Variants in CHD7 observed in about 807,000 individuals in gnomAD.
The protein encoded by CHD7 is chromodomain helicase DNA binding protein 7.
In CHD7, 24 loss-of-function variants were observed where a neutral mutation model predicts 307.3. That is an observed-to-expected ratio of 0.08 (90% confidence interval 0.06 to 0.11). CHD7 has a LOEUF of 0.11. Among genes scored for constraint, CHD7 ranks in the 10% least tolerant of loss-of-function variants. The pLI, the probability that CHD7 is intolerant of heterozygous loss-of-function variation, is 1.00. For missense variants in CHD7, 3,106 were observed against 3,727.1 expected (o/e 0.83, Z 4.34); for synonymous variants, 1,363 against 1,349.9 (o/e 1.01, Z -0.21).
chr8:60,691,799 G>T (rs533770548), intron 1 of CHD7, among the ~76,000 whole-genome samples: 2 of 152,334 alleles, frequency 1.3e-5, no homozygotes, highest in Admixed American at 6.5e-5. Flanking sequence ...CAAGAAACTC[G>T]TAAAGTGTGT....
Position 60,794,300 on chromosome 8 carries a change from T to TAA in CHD7, c.2097-685_2097-684insAA, listed in dbSNP as rs772164363. Among the ~76,000 whole-genome samples, 4 of 152,314 alleles carry TAA rather than the reference T, an allele frequency of 2.6e-5. No homozygotes were observed. In the South Asian group the frequency reaches 8.3e-4, roughly 32 times the overall value. ...ATTCTAATAACATTTGTCAGCAACA[T>TAA]ACTATGAAACATGCACTTTATTAGG... On this transcript the variant is annotated intron_variant, in intron 3 of 37. Transcript: ENST00000423902.
chr8:60,813,068 A>G (rs1812886583), intron 7 of CHD7, among the ~76,000 whole-genome samples: 1 of 152,162 alleles, frequency 6.6e-6, no homozygotes, highest in Non-Finnish European at 1.5e-5. Context: ...GTCCAGTTCT[A>G]CTTTTGTGTC....
At chr8:60,709,995 A>T (rs1378934139) in intron 1 of CHD7, among the ~76,000 whole-genome samples, 2 of 151,978 alleles carry the variant, frequency 1.3e-5, no homozygotes, top group African/African-American at 4.8e-5. Context: ...ATTTTTTTAA[A>T]TTTCAGATTT....
At position 60,836,569 on chromosome 8, in the gene CHD7, T is replaced by A. The variant is rs147847471; in HGVS notation, c.3990-248T>A. On this transcript the variant is annotated intron_variant, in intron 16 of 37. Transcript: ENST00000423902. ...GAAATTATTTGTTATCTTACTGTTATAGGTGTCAGCTGTTTTTAGAATTTA... is the reference window on the plus strand; with the variant it reads ...GAAATTATTTGTTATCTTACTGTTAAAGGTGTCAGCTGTTTTTAGAATTTA... 3.3e-3 allele frequency among the ~76,000 whole-genome samples: 509 copies of A among 152,352 alleles called. 1 individual carries two copies. Among genetic ancestry groups the A allele is most frequent in the Non-Finnish European group, 4.8e-3 (324 of 68,032 alleles).
chr8:60,747,851 C>T (rs1424072878), intron 2 of CHD7, among the ~76,000 whole-genome samples: 1 of 152,212 alleles, frequency 6.6e-6, no homozygotes, highest in African/African-American at 2.4e-5. Context: ...AGTGAGGGAT[C>T]ATATGCCTTC....
chr8:60,760,883 A>T (rs1810161609), intron 2 of CHD7, among the ~76,000 whole-genome samples: 2 of 152,204 alleles, frequency 1.3e-5, no homozygotes, highest in African/African-American at 4.8e-5. Flanking sequence ...ACACTTTTAC[A>T]CTGTTGGTGG....
chr8:60,822,510 T>G lies in CHD7; in HGVS notation c.2965T>G (p.Cys989Gly), dbSNP rs1804092441. ...TTCATTTTCCTCCTAAAGGCGAAAC[T>G]GCATTTTAGCAGATGAAATGGGTTT... ...LLFNWYNMRN[C>G]ILADEMGLGK... Residue 989 changes from cysteine to glycine, a missense_variant, in exon 12 of 38, where the codon TGC becomes GGC. Physicochemically the swap from Cys to Gly is radical, Grantham distance 159 (BLOSUM62 -3). This residue lies in a region of CHD7 where 188 missense variants were observed against 261.7 expected (regional missense o/e 0.72). Coordinates refer to ENST00000423902, the MANE Select transcript of CHD7 (RefSeq NM_017780.4). 6.2e-7 allele frequency: 1 copy of G among 1,613,066 alleles called. No homozygotes were observed.
intron 1 of CHD7, among the ~76,000 whole-genome samples, chr8:60,693,736 C>T (rs1276667831): frequency 1.3e-5 from 2 of 152,214 alleles, no homozygotes; most frequent in East Asian, 1.9e-4. Flanking sequence ...TAGGCACTGG[C>T]GGGACACCGT....
intron 4 of CHD7, among the ~76,000 whole-genome samples, chr8:60,798,171 G>A (rs1777238857): frequency 1.3e-5 from 2 of 152,194 alleles, no homozygotes; most frequent in South Asian, 4.1e-4. Flanking sequence ...TGGGATGTGG[G>A]AAAGTATTGC....
Position 60,741,320 on chromosome 8 carries a change from G to A in CHD7, c.-113G>A. The stretch of plus-strand genomic sequence containing the variant: ...CAAGAGAATTAAAGAAATATGGAAT[G>A]ACATGAAGAAGATTAGTTAAGGATT... On this transcript the variant is annotated 5_prime_UTR_variant, in exon 2 of 38. An upstream start codon of the reference 5' UTR is lost. Coordinates refer to ENST00000423902, the MANE Select transcript of CHD7 (RefSeq NM_017780.4). 2 of 758,002 alleles carry A rather than the reference G, an allele frequency of 2.6e-6. No homozygotes were observed. The highest frequency in any genetic ancestry group is 1.9e-5 in the South Asian group (1 of 52,508). The allele number at this position is 758,002 out of a possible 1,614,324, so 47.0% of individuals were successfully genotyped here. A position where few individuals can be genotyped will look rare whatever the true frequency, so the allele number is the denominator to read the frequency against.
intron 23 of CHD7, among the ~76,000 whole-genome samples, chr8:60,847,885 C>G (rs1408241078): frequency 6.6e-6 from 1 of 151,780 alleles, no homozygotes; most frequent in Non-Finnish European, 1.5e-5. Flanking sequence ...GTACAGTAAA[C>G]TAGAAGGAAT....
At chr8:60,690,959 C>CT (rs1806163923) in intron 1 of CHD7, among the ~76,000 whole-genome samples, 1 of 152,202 alleles carries the variant, frequency 6.6e-6, no homozygotes, top group Non-Finnish European at 1.5e-5. Context: ...GAGTCCTGCT[C>CT]TGTCTCACAG....
In CHD7 at chr8:60,741,499, G is replaced by A. The variant is rs763058890; in HGVS notation, c.67G>A (p.Gly23Ser). The A allele has an allele frequency of 4.2e-5, 68 of 1,612,682 alleles. No homozygotes were observed. The highest frequency in any genetic ancestry group is 5.6e-5 in the Non-Finnish European group (66 of 1,179,332). Residue 23 changes from glycine to serine, a missense_variant, in exon 2 of 38, where the codon GGC (glycine) becomes AGC (serine). Coordinates refer to ENST00000423902, the MANE Select transcript of CHD7 (RefSeq NM_017780.4). ...GAATATTTTCAGTGAAGGTCTTGAA[G>A]GCCTCGGAGAATGTGGTTACCCGGA... ...DGNIFSEGLE[G>S]LGECGYPENP...
chr8:60,837,774 A>C lies in CHD7; in HGVS notation c.4292A>C (p.Lys1431Thr). Residue 1431 changes from lysine (K) to threonine (T), a missense_variant, in exon 18 of 38, where the codon AAA becomes ACA. This residue lies in a region of CHD7 where 93 missense variants were observed against 176.4 expected (regional missense o/e 0.53). Coordinates refer to ENST00000423902, the MANE Select transcript of CHD7 (RefSeq NM_017780.4). The stretch of plus-strand genomic sequence containing the variant: ...GAAATGTTCGACAAGGCTAGTTTGA[A>C]ACTGGGCCTGGATAAAGCTGTGCTA... ...EREMFDKASL[K>T]LGLDKAVLQS... The C allele has an allele frequency of 6.2e-7, 1 of 1,613,850 alleles. No individual in the cohort carries two copies. Among genetic ancestry groups the C allele is most frequent in the Non-Finnish European group, 8.5e-7 (1 of 1,179,816 alleles).
chr8:60,752,282 G>A (rs1334186547), intron 2 of CHD7, among the ~76,000 whole-genome samples: 1 of 152,210 alleles, frequency 6.6e-6, no homozygotes, highest in African/African-American at 2.4e-5. Context: ...GGAGAATATT[G>A]AGGAGGTGCA....
intron 15 of CHD7, among the ~76,000 whole-genome samples, chr8:60,833,952 TA>T: frequency 6.6e-6 from 1 of 152,366 alleles, no homozygotes; most frequent in Admixed American, 6.5e-5. Context: ...ATACTGTTTT[TA>T]AATGAAATAT....
chr8:60,687,595 C>T (rs948358863), intron 1 of CHD7, among the ~76,000 whole-genome samples: 2 of 152,066 alleles, frequency 1.3e-5, no homozygotes, highest in African/African-American at 4.8e-5. Flanking sequence ...ATATGTTGGG[C>T]CAATCAAGTA....
In CHD7 at chr8:60,772,088, C is replaced by T. The variant is rs189839935; in HGVS notation, c.1666-8912C>T. ...GAATTCTGCCTCCCCACAAGATGTA[C>T]GTGAGTTTTTATAGGACAAGAGTAG... On this transcript the variant is annotated intron_variant, in intron 2 of 37. Coordinates refer to ENST00000423902, the MANE Select transcript of CHD7 (RefSeq NM_017780.4). 8.5e-4 allele frequency among the ~76,000 whole-genome samples: 130 copies of T among 152,226 alleles called. 1 individual carries two copies. The highest frequency in any genetic ancestry group is 2.7e-3 in the Admixed American group (41 of 15,288).
chr8:60,847,761 A>G (rs958033801), intron 23 of CHD7, among the ~76,000 whole-genome samples: 5 of 152,182 alleles, frequency 3.3e-5, no homozygotes, highest in African/African-American at 1.2e-4. Flanking sequence ...TAGAATTCCA[A>G]GGGTTTTAAA....
Sources: gnomAD v4.1 joint callset for allele counts (sites outside exome capture counted in the v4.1 genomes callset) on GRCh38, gnomAD v4.1.1 for gene constraint, gnomAD v4.1.1 regional missense constraint, MANE v1.5 for transcripts, NCBI Gene and HGNC (gene_info 2026-07-23, HGNC 2026-07-21) for gene names.